Variants in ARMC9 observed in about 807,000 individuals in gnomAD.
ARMC9 encodes the protein lisH domain-containing protein ARMC9.
A neutral mutation model predicts 107.0 loss-of-function variants in ARMC9; 94 were observed. The observed-to-expected ratio is 0.88, with a 90% CI of 0.74 to 1.04. The LOEUF (loss-of-function observed/expected upper bound fraction) is 1.04, where lower values mean the gene tolerates loss of function less well. Among genes scored for constraint, ARMC9 ranks in the 50% least tolerant of loss-of-function variants. The pLI, the probability that ARMC9 is intolerant of heterozygous loss-of-function variation, is 0.00. For synonymous variants in ARMC9, 380 were observed against 396.9 expected (o/e 0.96, Z 0.51); for missense variants, 942 against 1,030.1 (o/e 0.91, Z 1.17).
chr2:231,350,783 A>G (rs893324398), intron 21 of ARMC9, among the ~76,000 whole-genome samples: 2 of 151,486 alleles, frequency 1.3e-5, no homozygotes, highest in African/African-American at 2.4e-5. Flanking sequence ...GATGATCTCA[A>G]TGGGCATGCA....
chr2:231,374,322 G>C lies in ARMC9; in HGVS notation c.*2787G>C, dbSNP rs994944284. 3 of 152,164 alleles carry C rather than the reference G, an allele frequency of 2.0e-5. No homozygotes were observed. Among genetic ancestry groups the C allele is most frequent in the Non-Finnish European group, 4.4e-5 (3 of 68,062 alleles). 9.4% of individuals were successfully genotyped at this position (152,164 alleles called of 1,614,324 possible). A position where few individuals can be genotyped will look rare whatever the true frequency, so the allele number is the denominator to read the frequency against. The stretch of plus-strand genomic sequence containing the variant: ...GGTAGATTATGGCTCCTCTGCCCTG[G>C]AGGCTGAGCCGCCCCTCTGGTTACC... On this transcript the variant is annotated 3_prime_UTR_variant, in exon 25 of 25. Transcript: ENST00000611582.
intron 2 of ARMC9, among the ~76,000 whole-genome samples, chr2:231,207,466 ATTTTTTCTTTT>A (rs1165458346): frequency 2.7e-5 from 4 of 145,466 alleles, no homozygotes; most frequent in South Asian, 4.4e-4. Flanking sequence ...GGCCTATACC[ATTTTTTCTTTT>A]TTTTTTCTTT....
chr2:231,205,172 TAGTA>T (rs2031770617), intron 1 of ARMC9, among the ~76,000 whole-genome samples: 1 of 150,420 alleles, frequency 6.6e-6, no homozygotes, highest in African/African-American at 2.5e-5. Context: ...TTTGGCAGCT[TAGTA>T]AGACCCTGTC....
At chr2:231,247,742 C>A (rs1160878098) in intron 9 of ARMC9, among the ~76,000 whole-genome samples, 3 of 152,086 alleles carry the variant, frequency 2.0e-5, no homozygotes, top group Non-Finnish European at 2.9e-5. Flanking sequence ...ACCAGCCTGG[C>A]CAGCATGACA....
intron 19 of ARMC9, among the ~76,000 whole-genome samples, chr2:231,325,570 G>A (rs961897715): frequency 3.3e-5 from 5 of 152,156 alleles, no homozygotes; most frequent in African/African-American, 1.2e-4. Flanking sequence ...CTGGAGAAGA[G>A]GTGAAACACT....
rs1476682613 is a variant in ARMC9 at position 231,324,191 on chromosome 2, A to G, written c.1774-7602A>G. On this transcript the variant is annotated intron_variant, in intron 19 of 24. Coordinates refer to ENST00000611582, the MANE Select transcript of ARMC9 (RefSeq NM_001352754.2). ...TGCCCAGGCTGGAGTGCAGTGGTGC[A>G]ATCTCGGCTCACTGCAACCTCCGCC... Among the ~76,000 whole-genome samples the G allele has an allele frequency of 1.8e-3, 233 of 131,422 alleles. 2 individuals are homozygous for G. The highest frequency in any genetic ancestry group is 4.4e-3 in the African/African-American group (147 of 33,634). The allele number at this position is 131,422 out of a possible 152,430, so 86.2% of individuals were successfully genotyped here.
chr2:231,369,201 C>T (rs1422756112), intron 23 of ARMC9, among the ~76,000 whole-genome samples: 1 of 152,238 alleles, frequency 6.6e-6, no homozygotes, highest in African/African-American at 2.4e-5. Flanking sequence ...ACCCAAGGCT[C>T]CATGGCATGG....
chr2:231,261,175 A>G (rs900328151), intron 11 of ARMC9, among the ~76,000 whole-genome samples: 4 of 152,146 alleles, frequency 2.6e-5, no homozygotes, highest in African/African-American at 9.7e-5. Flanking sequence ...ATTTTTATCT[A>G]GTAGGATTTT....
In ARMC9 at chr2:231,232,521, A is replaced by G. The variant is rs1473347109; in HGVS notation, c.623-2703A>G. ...GGCTGGAGTACAATGGCATGATCTC[A>G]GCTCACTGCAACCTCCACCTCCCAG... On this transcript the variant is annotated intron_variant, in intron 7 of 24. Coordinates refer to ENST00000611582, the MANE Select transcript of ARMC9 (RefSeq NM_001352754.2). Among the ~76,000 whole-genome samples, 3 of 147,362 alleles carry G rather than the reference A, an allele frequency of 2.0e-5. No individual in the cohort carries two copies. In the Admixed American group the frequency reaches 2.0e-4, roughly 10 times the overall value.
rs561932966 is a variant in ARMC9, at chr2:231,346,454, GA to G, written c.1994+1365del. Among the ~76,000 whole-genome samples the G allele has an allele frequency of 4.6e-5, 7 of 152,310 alleles. No homozygotes were observed. The East Asian group carries it at 1.3e-3, about 29-fold the overall frequency. ...GAGAATGCCGTGAACCCAGGAGGCG[GA>G]GCTTGCAGTGAGCTGAGATCTCGCC... On this transcript the variant is annotated intron_variant, in intron 21 of 24. Coordinates refer to ENST00000611582, the MANE Select transcript of ARMC9 (RefSeq NM_001352754.2).
intron 19 of ARMC9, among the ~76,000 whole-genome samples, chr2:231,299,805 C>T (rs1332837577): frequency 6.6e-6 from 1 of 152,124 alleles, no homozygotes; most frequent in Non-Finnish European, 1.5e-5. Context: ...TTCTAAACCA[C>T]TTATACTTTC....
intron 9 of ARMC9, among the ~76,000 whole-genome samples, chr2:231,250,751 A>G (rs1027976584): frequency 1.3e-5 from 2 of 152,066 alleles, no homozygotes; most frequent in African/African-American, 4.8e-5. Flanking sequence ...GATTTTTACA[A>G]AGACCCCTGT....
chr2:231,201,127 G>A (rs2030867153), intron 1 of ARMC9, among the ~76,000 whole-genome samples: 1 of 152,190 alleles, frequency 6.6e-6, no homozygotes, highest in African/African-American at 2.4e-5. Context: ...CCAGAAAAAG[G>A]CTGGAGAGGT....
At chr2:231,357,919 T>C (rs1409562879) in intron 22 of ARMC9, among the ~76,000 whole-genome samples, 4 of 152,174 alleles carry the variant, frequency 2.6e-5, no homozygotes, top group Non-Finnish European at 4.4e-5. Flanking sequence ...GTTCTTCCTT[T>C]GGAAAAACCA....
At chr2:231,222,517 C>T (rs2034246950) in intron 5 of ARMC9, among the ~76,000 whole-genome samples, 1 of 152,174 alleles carries the variant, frequency 6.6e-6, no homozygotes, top group Admixed American at 6.5e-5. Flanking sequence ...TGAAAGAACT[C>T]TATTTTTTCT....
At chr2:231,286,778 A>C (rs1394029296) in intron 17 of ARMC9, among the ~76,000 whole-genome samples, 1 of 152,258 alleles carries the variant, frequency 6.6e-6, no homozygotes, top group East Asian at 1.9e-4. Context: ...GTGCTCATGG[A>C]AAATGACACA....
chr2:231,327,756 T>C (rs1454244153), intron 19 of ARMC9, among the ~76,000 whole-genome samples: 2 of 152,298 alleles, frequency 1.3e-5, no homozygotes, highest in South Asian at 2.1e-4. Context: ...TGCCGAAATG[T>C]AGTTGCATGT....
chr2:231,241,939 G>A (rs575865893), intron 9 of ARMC9, among the ~76,000 whole-genome samples: 2 of 152,172 alleles, frequency 1.3e-5, no homozygotes, highest in Admixed American at 6.5e-5. Context: ...GGAGAGGGCA[G>A]TTACATAACT....
chr2:231,276,825 C>T (rs758801007), intron 15 of ARMC9, 50 bp downstream of exon 15: 161 of 1,597,482 alleles, frequency 1.0e-4, no homozygotes, highest in Non-Finnish European at 1.3e-4. Context: ...GAGATCTTGA[C>T]TCTTGAAGCT....
Sources: gnomAD v4.1 joint callset for allele counts (sites outside exome capture counted in the v4.1 genomes callset) on GRCh38, gnomAD v4.1.1 for gene constraint, MANE v1.5 for transcripts, NCBI Gene and HGNC (gene_info 2026-07-23, HGNC 2026-07-21) for gene names.